Variants in PSMA6 observed in about 807,000 individuals in gnomAD.
PSMA6 encodes the protein proteasome 20S subunit alpha 6.
For missense variants in PSMA6, 170 were observed against 294.8 expected (o/e 0.58, Z 3.10); for synonymous variants, 88 against 97.7 (o/e 0.90, Z 0.59).
chr14:35,305,560 T>C (rs1009484694), intron 1 of PSMA6, among the ~76,000 whole-genome samples: 8 of 152,258 alleles, frequency 5.3e-5, no homozygotes, highest in African/African-American at 1.9e-4. Flanking sequence ...AGAGATTCTT[T>C]AGCCTGATAG....
intron 1 of PSMA6, among the ~76,000 whole-genome samples, chr14:35,302,879 G>T (rs1257320316): frequency 6.6e-6 from 1 of 151,762 alleles, no homozygotes; most frequent in Non-Finnish European, 1.5e-5. Flanking sequence ...TTTCTTTGCT[G>T]AGATTTCCTA....
intron 1 of PSMA6, among the ~76,000 whole-genome samples, chr14:35,284,838 A>G (rs1292099482): frequency 1.3e-5 from 2 of 151,984 alleles, no homozygotes; most frequent in Non-Finnish European, 2.9e-5. Flanking sequence ...TTAGACATCT[A>G]CTCTGTACTT....
chr14:35,301,623 C>A (rs1459213797), intron 1 of PSMA6, among the ~76,000 whole-genome samples: 1 of 152,080 alleles, frequency 6.6e-6, no homozygotes, highest in African/African-American at 2.4e-5. Flanking sequence ...TAGAACATTG[C>A]CAGCATCACA....
At chr14:35,308,802 T>G in intron 2 of PSMA6, 112 bp from the exon 3 acceptor site, 2 of 726,148 alleles carry the variant, frequency 2.8e-6, no homozygotes, top group African/African-American at 1.8e-5. Flanking sequence ...TATGGTTCCA[T>G]AGTATTGTTT....
intron 5 of PSMA6, 127 bp from the exon 6 acceptor site, chr14:35,314,234 G>A: frequency 8.8e-7 from 1 of 1,138,330 alleles, no homozygotes; most frequent in Admixed American, 3.5e-5. Context: ...CAGTCTGTTA[G>A]TAACATTGAA....
chr14:35,280,574 G>T (rs2051356113), intron 1 of PSMA6, among the ~76,000 whole-genome samples: 1 of 151,108 alleles, frequency 6.6e-6, no homozygotes, highest in Admixed American at 6.6e-5. Context: ...TAGAGACAGG[G>T]TTTCGTCATG....
intron 1 of PSMA6, among the ~76,000 whole-genome samples, chr14:35,281,976 T>C (rs2138700771): frequency 6.6e-6 from 1 of 152,288 alleles, no homozygotes; most frequent in African/African-American, 2.4e-5. Flanking sequence ...CTCCAGCTCT[T>C]TCCCATTTAC....
chr14:35,310,856 G>A lies in PSMA6; in HGVS notation c.370G>A (p.Val124Ile), dbSNP rs2051931197. Residue 124 changes from valine to isoleucine, a missense_variant, in exon 4 of 7, where the codon GTC (valine) becomes ATC (isoleucine). Physicochemically the swap from Val to Ile is conservative, Grantham distance 29 (BLOSUM62 3). Transcript: ENST00000261479. Reference sequence around the variant, plus strand: ...TAAAAGAATTGCCGATATTTCTCAGGTCTACACACAGAATGCTGAAATGAG... The same window carrying A: ...TAAAAGAATTGCCGATATTTCTCAGATCTACACACAGAATGCTGAAATGAG... ...LCKRIADISQ[V>I]YTQNAEMRPL... is the part of the protein sequence containing the mutation. The A allele has an allele frequency of 6.2e-7, 1 of 1,613,726 alleles. No individual in the cohort carries two copies. Among genetic ancestry groups the A allele is most frequent in the Non-Finnish European group, 8.5e-7 (1 of 1,179,896 alleles).
chr14:35,303,874 T>A (rs2051767076), intron 1 of PSMA6, among the ~76,000 whole-genome samples: 2 of 152,338 alleles, frequency 1.3e-5, no homozygotes, highest in South Asian at 4.1e-4. Context: ...TACATTGTAT[T>A]AGCTAGTGTA....
At chr14:35,291,783 A>G (rs960642868), upstream of PSMA6, among the ~76,000 whole-genome samples, 2 of 142,974 alleles carry the variant, frequency 1.4e-5, no homozygotes, top group African/African-American at 5.3e-5. Context: ...AGATCGCGCC[A>G]TTGCACTCCA....
chr14:35,308,126 T>G (rs188681284), intron 2 of PSMA6, 38 bp downstream of exon 2: 1 of 1,607,620 alleles, frequency 6.2e-7, no homozygotes, highest in African/African-American at 1.3e-5. Flanking sequence ...AATTGCAGAA[T>G]ATAAGAATTT....
intron 1 of PSMA6, among the ~76,000 whole-genome samples, chr14:35,299,327 C>CTTTTTTTTTTTTTTTTTTTTTTTTTTT (rs71445906): frequency 1.5e-5 from 1 of 66,004 alleles, no homozygotes; most frequent in African/African-American, 5.8e-5. Context: ...TGCCCAGCCT[C>CTTTTTTTTTTTTTTTTTTTTTTTTTTT]TTTTTTTTTT....
intron 4 of PSMA6, chr14:35,311,105 C>G (rs532953698): frequency 2.2e-6 from 1 of 455,132 alleles, no homozygotes; most frequent in African/African-American, 2.0e-5. Flanking sequence ...TGCTGTTAGA[C>G]TTTTTATCAA....
intron 1 of PSMA6, among the ~76,000 whole-genome samples, chr14:35,297,358 GGCGCCTGC>G (rs2138723244): frequency 6.6e-6 from 1 of 151,944 alleles, no homozygotes; most frequent in East Asian, 1.9e-4. Flanking sequence ...TGGGACTGTA[GGCGCCTGC>G]CTCCGAGCCC....
intron 1 of PSMA6, among the ~76,000 whole-genome samples, chr14:35,299,875 G>C (rs2138728279): frequency 6.6e-6 from 1 of 152,264 alleles, no homozygotes; most frequent in Middle Eastern, 3.4e-3. Context: ...GTACTAAATA[G>C]TATAAAAAAG....
intron 4 of PSMA6, 40 bp downstream of exon 4, chr14:35,310,935 G>T: frequency 6.3e-7 from 1 of 1,582,806 alleles, no homozygotes; most frequent in South Asian, 1.1e-5. Flanking sequence ...TTGATGAATT[G>T]AAACTTTTTA....
chr14:35,283,497 T>A (rs540227339), intron 1 of PSMA6, among the ~76,000 whole-genome samples: 2 of 152,192 alleles, frequency 1.3e-5, no homozygotes, highest in East Asian at 3.9e-4. Context: ...TTACTTCATC[T>A]TCTTCACAGT....
intron 1 of PSMA6, among the ~76,000 whole-genome samples, chr14:35,284,426 G>A (rs1276000524): frequency 6.6e-6 from 1 of 152,044 alleles, no homozygotes; most frequent in Admixed American, 6.6e-5. Context: ...TCTCATCTGT[G>A]CTGCTCTGTT....
chr14:35,311,117 G>A (rs2051935705), intron 4 of PSMA6: 1 of 415,216 alleles, frequency 2.4e-6, no homozygotes, highest in South Asian at 3.7e-5. Context: ...TTTTATCAAA[G>A]TATTTCCATT....
Sources: allele counts gnomAD v4.1 joint callset (sites outside exome capture counted in the v4.1 genomes callset), GRCh38; gene constraint gnomAD v4.1.1; transcripts MANE v1.5; gene names NCBI Gene and HGNC (gene_info 2026-07-23, HGNC 2026-07-21).